GNAO1: variants seen among roughly 807,000 people sequenced by gnomAD.
GNAO1 encodes guanine nucleotide-binding protein G(o) subunit alpha.
For synonymous variants in GNAO1, 164 were observed against 180.7 expected, an observed-to-expected ratio of 0.91 and a Z score of 0.74; for missense variants, 166 against 478.7, an observed-to-expected ratio of 0.35 and a Z score of 6.10.
At chr16:56,338,827 C>T (rs1175813108) in intron 6 of GNAO1, among the ~76,000 whole-genome samples, 1 of 152,160 alleles carries the variant, frequency 6.6e-6, no homozygotes, top group Admixed American at 6.5e-5. Flanking sequence ...CTGGGCCTGG[C>T]ACTGGGTGAC....
intron 2 of GNAO1, among the ~76,000 whole-genome samples, chr16:56,210,924 G>A (rs1038926893): frequency 9.9e-5 from 15 of 152,100 alleles, no homozygotes; most frequent in African/African-American, 3.1e-4. Context: ...ATCTGTTTCT[G>A]GTATATAGAA....
intron 6 of GNAO1, chr16:56,345,004 G>A: frequency 2.0e-6 from 2 of 985,340 alleles, no homozygotes; most frequent in Non-Finnish European, 2.4e-6. Flanking sequence ...ACAGCAGGGG[G>A]ATGGAGCTGA....
At chr16:56,214,093 A>G (rs1475805305) in intron 2 of GNAO1, among the ~76,000 whole-genome samples, 1 of 152,178 alleles carries the variant, frequency 6.6e-6, no homozygotes, top group Non-Finnish European at 1.5e-5. Flanking sequence ...TGACTCTGGC[A>G]TAATCTAGGA....
At chr16:56,283,111 G>A (rs2037129999) in intron 3 of GNAO1, among the ~76,000 whole-genome samples, 1 of 152,236 alleles carries the variant, frequency 6.6e-6, no homozygotes, top group African/African-American at 2.4e-5. Context: ...AACATCTTGT[G>A]GCTCTGACTT....
intron 3 of GNAO1, among the ~76,000 whole-genome samples, chr16:56,293,865 T>A (rs1314887264): frequency 6.6e-6 from 1 of 152,108 alleles, no homozygotes; most frequent in Non-Finnish European, 1.5e-5. Context: ...TCTGCACCTT[T>A]CCTCCTCTGT....
intron 4 of GNAO1, among the ~76,000 whole-genome samples, chr16:56,330,540 C>A (rs1488996674): frequency 6.6e-6 from 1 of 152,190 alleles, no homozygotes; most frequent in East Asian, 1.9e-4. Flanking sequence ...CTACTCCCCC[C>A]ACCAGCCCTG....
intron 2 of GNAO1, among the ~76,000 whole-genome samples, chr16:56,222,177 C>G (rs1253074706): frequency 2.0e-5 from 3 of 151,932 alleles, no homozygotes; most frequent in African/African-American, 7.2e-5. Flanking sequence ...CTATGATTAT[C>G]TCGCAGGAGA....
In GNAO1 at chr16:56,247,489, T is replaced by G. The variant is rs530712874; in HGVS notation, c.162-28442T>G. ...ACCTTTTATTAGGGTGAGGTTTTTT[T>G]TTTTTTTTTTTTTTCATTTCTAATC... On this transcript the variant is annotated intron_variant, in intron 2 of 8. Transcript: ENST00000262493. Among the ~76,000 whole-genome samples the G allele has an allele frequency of 9.5e-4, 143 of 151,130 alleles. 2 individuals are homozygous for G. In the East Asian group the frequency reaches 0.017, roughly 18 times the overall value.
chr16:56,215,792 A>G (rs2036431846), intron 2 of GNAO1, among the ~76,000 whole-genome samples: 1 of 152,210 alleles, frequency 6.6e-6, no homozygotes, highest in South Asian at 2.1e-4. Flanking sequence ...TTCAGTATAC[A>G]TACATGATAT....
chr16:56,211,327 T>C (rs1567439752), intron 2 of GNAO1, among the ~76,000 whole-genome samples: 1 of 152,066 alleles, frequency 6.6e-6, no homozygotes, highest in Non-Finnish European at 1.5e-5. Flanking sequence ...CAGTCTACGG[T>C]TGGAGGAGTG....
chr16:56,277,014 A>G (rs1235451748), intron 3 of GNAO1: 2 of 152,236 alleles, frequency 1.3e-5, no homozygotes, highest in Non-Finnish European at 2.9e-5. Flanking sequence ...TCTTCCTCAC[A>G]GAGGAAAACT....
chr16:56,235,100 A>G, intron 2 of GNAO1: 2 of 340,110 alleles, frequency 5.9e-6, no homozygotes, highest in Non-Finnish European at 1.2e-5. Context: ...GCTTAGCCAC[A>G]ACTCACAACT....
intron 2 of GNAO1, among the ~76,000 whole-genome samples, chr16:56,206,673 C>A (rs2036332890): frequency 6.6e-6 from 1 of 152,186 alleles, no homozygotes; most frequent in Admixed American, 6.5e-5. Flanking sequence ...GTGAATTTTA[C>A]TCTAAGTAAA....
At chr16:56,289,067 A>G (rs1363010795) in intron 3 of GNAO1, among the ~76,000 whole-genome samples, 1 of 152,116 alleles carries the variant, frequency 6.6e-6, no homozygotes, top group Non-Finnish European at 1.5e-5. Context: ...AAAAAAACAC[A>G]GTTTCAAAGT....
chr16:56,323,907 AAAG>A (rs1464922578), intron 3 of GNAO1, among the ~76,000 whole-genome samples: 2 of 152,166 alleles, frequency 1.3e-5, no homozygotes, highest in Non-Finnish European at 2.9e-5. Flanking sequence ...AGCAGATCTG[AAAG>A]AAGAACTGCA....
intron 2 of GNAO1, among the ~76,000 whole-genome samples, chr16:56,212,801 G>A (rs574775191): frequency 6.6e-6 from 1 of 152,312 alleles, no homozygotes; most frequent in African/African-American, 2.4e-5. Flanking sequence ...CTGGCTCCTG[G>A]TAGGGTTTCG....
At chr16:56,289,819 T>C (rs1472069291) in intron 3 of GNAO1, among the ~76,000 whole-genome samples, 3 of 152,194 alleles carry the variant, frequency 2.0e-5, no homozygotes, top group African/African-American at 7.2e-5. Flanking sequence ...CATGGTACCA[T>C]TGGGGTACCT....
intron 2 of GNAO1, among the ~76,000 whole-genome samples, chr16:56,218,244 C>G (rs1224800397): frequency 6.6e-6 from 1 of 152,206 alleles, no homozygotes; most frequent in East Asian, 1.9e-4. Context: ...TAGAGCTGCT[C>G]TCTCCCTAAG....
chr16:56,307,462 T>C (rs954062495), intron 3 of GNAO1: 2 of 152,212 alleles, frequency 1.3e-5, no homozygotes, highest in African/African-American at 4.8e-5. Context: ...ATTGTTATTA[T>C]TACTCATTCT....
Sources: allele counts gnomAD v4.1 joint callset (sites outside exome capture counted in the v4.1 genomes callset), GRCh38; gene constraint gnomAD v4.1.1; transcripts MANE v1.5; gene names NCBI Gene and HGNC (gene_info 2026-07-23, HGNC 2026-07-21).